FRMD4A: variants seen among roughly 807,000 people sequenced by gnomAD.
FRMD4A encodes FERM domain-containing protein 4A.
Under a neutral mutation model 129.1 loss-of-function variants are expected in FRMD4A, and 29 were observed. The ratio of observed to expected loss-of-function variants is 0.22; its 90% confidence interval spans 0.17 to 0.31. FRMD4A has a LOEUF of 0.31. FRMD4A is among the 10% of genes least tolerant of loss of function. FRMD4A has a pLI of 1.00. For missense variants in FRMD4A, 1,272 were observed against 1,375.8 expected (o/e 0.92, Z 1.19); for synonymous variants, 634 against 571.6 (o/e 1.11, Z -1.56).
intron 2 of FRMD4A, among the ~76,000 whole-genome samples, chr10:13,934,111 T>C (rs2095227983): frequency 6.6e-6 from 1 of 152,180 alleles, no homozygotes; most frequent in African/African-American, 2.4e-5. Flanking sequence ...ATAGGAGCTC[T>C]ATGCCTAAAA....
chr10:13,789,661 T>C (rs1368652124), intron 5 of FRMD4A, among the ~76,000 whole-genome samples: 1 of 151,904 alleles, frequency 6.6e-6, no homozygotes, highest in African/African-American at 2.4e-5. Context: ...AAAGCTTGCC[T>C]GGTGAACAAT....
intron 3 of FRMD4A, among the ~76,000 whole-genome samples, chr10:13,827,573 A>T (rs1323438583): frequency 6.6e-6 from 1 of 152,218 alleles, no homozygotes; most frequent in Non-Finnish European, 1.5e-5. Flanking sequence ...ATAAATATGA[A>T]GTCAGTCTCA....
At chr10:13,681,911 C>G (rs1301786403) in intron 15 of FRMD4A, among the ~76,000 whole-genome samples, 1 of 152,070 alleles carries the variant, frequency 6.6e-6, no homozygotes, top group African/African-American at 2.4e-5. Flanking sequence ...TACATGAATA[C>G]CAGTTACTCT....
chr10:14,251,592 A>G (rs1419273138), intron 2 of FRMD4A, among the ~76,000 whole-genome samples: 1 of 152,238 alleles, frequency 6.6e-6, no homozygotes, highest in African/African-American at 2.4e-5. Context: ...GTTTTGGGAC[A>G]ATATGTGAGG....
At chr10:14,096,654 G>A (rs1836977468) in intron 2 of FRMD4A, among the ~76,000 whole-genome samples, 1 of 152,112 alleles carries the variant, frequency 6.6e-6, no homozygotes, top group Non-Finnish European at 1.5e-5. Flanking sequence ...AATTTTGCAG[G>A]GGACTCACTT....
chr10:13,868,883 A>C (rs1216537566), intron 2 of FRMD4A, among the ~76,000 whole-genome samples: 1 of 152,216 alleles, frequency 6.6e-6, no homozygotes, highest in Non-Finnish European at 1.5e-5. Context: ...ACCAGATGGA[A>C]GTTATTAAGT....
chr10:13,861,458 A>C (rs1048601414), intron 2 of FRMD4A, among the ~76,000 whole-genome samples: 1 of 152,176 alleles, frequency 6.6e-6, no homozygotes, highest in Non-Finnish European at 1.5e-5. Flanking sequence ...TCCTGCTTAC[A>C]TGGGGGCTAA....
At chr10:14,038,956 G>C (rs1588845177) in intron 2 of FRMD4A, among the ~76,000 whole-genome samples, 2 of 152,154 alleles carry the variant, frequency 1.3e-5, no homozygotes, top group South Asian at 4.1e-4. Context: ...CATTTCTTGA[G>C]CATTTTTGAA....
intron 2 of FRMD4A, among the ~76,000 whole-genome samples, chr10:14,009,763 G>A (rs1215461604): frequency 2.0e-5 from 3 of 152,110 alleles, no homozygotes; most frequent in Admixed American, 1.3e-4. Flanking sequence ...GGCTTTGTTC[G>A]TAATTGGTTC....
At chr10:14,226,259 T>C (rs1431650867) in intron 2 of FRMD4A, among the ~76,000 whole-genome samples, 1 of 152,192 alleles carries the variant, frequency 6.6e-6, no homozygotes, top group East Asian at 1.9e-4. Flanking sequence ...GTGTGAGTTA[T>C]GTGCAGAGGA....
At chr10:14,257,424 T>G (rs1292820528) in intron 2 of FRMD4A, among the ~76,000 whole-genome samples, 1 of 152,102 alleles carries the variant, frequency 6.6e-6, no homozygotes, top group African/African-American at 2.4e-5. Flanking sequence ...ATAAAAGCAA[T>G]GAACCAAATC....
intron 2 of FRMD4A, among the ~76,000 whole-genome samples, chr10:13,911,266 T>C (rs2094937955): frequency 6.6e-6 from 1 of 152,194 alleles, no homozygotes; most frequent in Non-Finnish European, 1.5e-5. Flanking sequence ...ATAAGATCAT[T>C]TCCAAAAAAG....
chr10:13,681,915 T>C (rs906006696), intron 15 of FRMD4A, among the ~76,000 whole-genome samples: 9 of 152,144 alleles, frequency 5.9e-5, no homozygotes, highest in East Asian at 1.9e-4. Context: ...TGAATACCAG[T>C]TACTCTTTCT....
intron 18 of FRMD4A, 81 bp downstream of exon 18, chr10:13,666,016 G>A (rs2083003305): frequency 1.2e-6 from 1 of 803,512 alleles, no homozygotes; most frequent in Non-Finnish European, 2.2e-6. Context: ...AGGTCGTGCA[G>A]GGACCACTCG....
intron 2 of FRMD4A, among the ~76,000 whole-genome samples, chr10:14,314,263 C>T (rs1321080987): frequency 6.6e-6 from 1 of 151,988 alleles, no homozygotes; most frequent in African/African-American, 2.4e-5. Flanking sequence ...ACAACTGTTC[C>T]TTCGAGCTAC....
chr10:13,811,685 C>T (rs928759856), intron 3 of FRMD4A, among the ~76,000 whole-genome samples: 1 of 151,972 alleles, frequency 6.6e-6, no homozygotes, highest in African/African-American at 2.4e-5. Context: ...TCTGTTACTA[C>T]TGAAGTGACC....
rs536180571 is a variant in FRMD4A at position 13,685,698 on chromosome 10, G to T, written c.1117+8200C>A. On this transcript the variant is annotated intron_variant, in intron 15 of 24. Transcript: ENST00000357447. The stretch of plus-strand genomic sequence containing the variant: ...TAAAATTTCATCACAGTCCTACCCA[G>T]TCAGGAGGCTGAGGCAGGAGGATCG... 113 of 939,664 alleles carry T rather than the reference G, an allele frequency of 1.2e-4. No homozygotes were observed. In the African/African-American group the frequency reaches 2.0e-3, roughly 16 times the overall value. The allele number at this position is 939,664 out of a possible 1,614,324, so 58.2% of individuals were successfully genotyped here.
At chr10:13,697,565 C>A (rs1304710337) in intron 14 of FRMD4A, among the ~76,000 whole-genome samples, 1 of 152,122 alleles carries the variant, frequency 6.6e-6, no homozygotes, top group Non-Finnish European at 1.5e-5. Context: ...GGTCTCTGGG[C>A]TGACCTTAAG....
At chr10:14,207,927 G>A (rs571893842) in intron 2 of FRMD4A, among the ~76,000 whole-genome samples, 7 of 152,212 alleles carry the variant, frequency 4.6e-5, no homozygotes, top group South Asian at 4.1e-4. Flanking sequence ...TTGGCTGGGC[G>A]CAGTAACTCA....
Sources: allele counts gnomAD v4.1 joint callset (sites outside exome capture counted in the v4.1 genomes callset), GRCh38; gene constraint gnomAD v4.1.1; transcripts MANE v1.5; gene names NCBI Gene and HGNC (gene_info 2026-07-23, HGNC 2026-07-21).